The following GRIP1 variants were observed in gnomAD, a reference collection of about 807,000 sequenced individuals.
GRIP1 encodes the protein glutamate receptor-interacting protein 1.
GRIP1 carries 45 observed loss-of-function variants against 129.9 expected under a neutral mutation model. The observed-to-expected ratio is 0.35, with a 90% CI of 0.27 to 0.44. The LOEUF is 0.44. Ranked by LOEUF, GRIP1 falls within the 20% of genes least tolerant of loss-of-function variation. The pLI is 1.00. For missense variants in GRIP1, 1,196 were observed against 1,396.8 expected (o/e 0.86, Z 2.29); for synonymous variants, 530 against 520.8 (o/e 1.02, Z -0.24).
chr12:66,434,268 T>C (rs1219464743), intron 13 of GRIP1, among the ~76,000 whole-genome samples: 3 of 152,102 alleles, frequency 2.0e-5, no homozygotes, highest in Admixed American at 6.6e-5. Flanking sequence ...GGGTCTTCCT[T>C]CTCTGGGCTC....
rs142562459 is a variant in GRIP1, at chr12:66,515,436, A to G, written c.724+183T>C. Among the ~76,000 whole-genome samples the G allele has an allele frequency of 3.9e-3, 592 of 152,300 alleles. 1 individual carries two copies. Among genetic ancestry groups the G allele is most frequent in the Non-Finnish European group, 6.2e-3 (422 of 68,006 alleles). Reference sequence around the variant, plus strand: ...GAACCTATTGACATGAGAACTCTACATCACTGTAAAGTACAGCCACTCACA... The same window carrying G: ...GAACCTATTGACATGAGAACTCTACGTCACTGTAAAGTACAGCCACTCACA... On this transcript the variant is annotated intron_variant, in intron 7 of 24. Coordinates refer to ENST00000359742, the MANE Select transcript of GRIP1 (RefSeq NM_001366722.1).
chr12:66,902,370 T>C (rs1209382319), intron 1 of GRIP1, among the ~76,000 whole-genome samples: 1 of 152,242 alleles, frequency 6.6e-6, no homozygotes, highest in East Asian at 1.9e-4. Flanking sequence ...CTTTACAATG[T>C]GACATTAGTC....
At chr12:66,705,349 G>T (rs530143164) in intron 1 of GRIP1, among the ~76,000 whole-genome samples, 2 of 152,054 alleles carry the variant, frequency 1.3e-5, no homozygotes, top group East Asian at 3.9e-4. Flanking sequence ...ATCTAACAAG[G>T]GATATGAGGA....
intron 23 of GRIP1, among the ~76,000 whole-genome samples, chr12:66,357,450 T>C (rs1362076309): frequency 6.6e-6 from 1 of 152,196 alleles, no homozygotes; most frequent in Non-Finnish European, 1.5e-5. Flanking sequence ...AGTTCATAGG[T>C]GGCACAGTGC....
At position 67,041,357 on chromosome 12, in the gene GRIP1, CAT is replaced by C. The variant is rs780552155; in HGVS notation, c.58+27691_58+27692del. Among the ~76,000 whole-genome samples, 14 of 151,674 alleles carry C rather than the reference CAT, an allele frequency of 9.2e-5. No individual in the cohort carries two copies. In the East Asian group the frequency reaches 1.7e-3, roughly 19 times the overall value. On this transcript the variant is annotated intron_variant, in intron 1 of 1. Coordinates refer to the GRIP1 transcript ENST00000643019. Reference sequence around the variant, plus strand: ...GTGTGTATAGACACACATGTATAGACATATATTTATGTGCGTGTGTATATACA... The same window carrying C: ...GTGTGTATAGACACACATGTATAGACATATTTATGTGCGTGTGTATATACA...
rs141625011 is a variant in GRIP1 at position 66,361,570 on chromosome 12, C to A, written c.3013-8007G>T. On this transcript the variant is annotated intron_variant, in intron 23 of 24. Transcript: ENST00000359742. ...TCTCCAAATTCTCCAAGAGATCAAA[C>A]CAAGCTGCAAGCAAGCAGCTAGTCC... 2.4e-3 allele frequency among the ~76,000 whole-genome samples: 371 copies of A among 152,314 alleles called. 3 individuals are homozygous for A. The highest frequency in any genetic ancestry group is 7.6e-3 in the African/African-American group (314 of 41,570).
At chr12:66,803,711 T>C (rs1232117532) in intron 1 of GRIP1, among the ~76,000 whole-genome samples, 1 of 152,150 alleles carries the variant, frequency 6.6e-6, no homozygotes, top group Non-Finnish European at 1.5e-5. Context: ...CCTTCCCTAT[T>C]CTGAAAGAAA....
intron 7 of GRIP1, among the ~76,000 whole-genome samples, chr12:66,491,339 A>G (rs1482978467): frequency 6.6e-6 from 1 of 152,238 alleles, no homozygotes; most frequent in Non-Finnish European, 1.5e-5. Context: ...GGAAGCCATT[A>G]TCCTCAGCAC....
upstream of GRIP1, among the ~76,000 whole-genome samples, chr12:66,683,632 A>G (rs779581884): frequency 6.6e-6 from 1 of 152,168 alleles, no homozygotes; most frequent in Non-Finnish European, 1.5e-5. Context: ...GTTGTGATAT[A>G]AAAGGGTGGG....
intron 1 of GRIP1, among the ~76,000 whole-genome samples, chr12:66,600,809 T>C (rs1194210375): frequency 6.6e-6 from 1 of 152,218 alleles, no homozygotes; most frequent in Non-Finnish European, 1.5e-5. Flanking sequence ...GGATTCTCAC[T>C]AAAAGTCACT....
intron 1 of GRIP1, among the ~76,000 whole-genome samples, chr12:67,008,140 C>T (rs1394293418): frequency 6.6e-6 from 1 of 152,144 alleles, no homozygotes; most frequent in Non-Finnish European, 1.5e-5. Flanking sequence ...ACCATCAAAT[C>T]CCACTCTATT....
rs370595873 is a variant in GRIP1, at chr12:66,678,893, G to C, written c.12C>G (p.Val4=). Residue 4 remains valine (V), a synonymous_variant, in exon 1 of 25, where the codon GTC becomes GTG. Transcript: ENST00000359742. ...GAATTTGACAACGGCATTTAAAAGA[G>C]ACAGCTATCATTCTTGCTCACTGCT... The part of the protein sequence containing the change: MIA[V]SFKCRCQILR... The C allele has an allele frequency of 1.6e-5, 26 of 1,613,368 alleles. No homozygotes were observed. The highest frequency in any genetic ancestry group is 1.6e-4 in the Middle Eastern group (1 of 6,080).
chr12:66,865,613 AT>A (rs2040191353), intron 1 of GRIP1, among the ~76,000 whole-genome samples: 1 of 151,650 alleles, frequency 6.6e-6, no homozygotes, highest in Non-Finnish European at 1.5e-5. Context: ...CCATCCAACC[AT>A]CCATCCATCC....
chr12:66,475,562 C>G (rs1205147927), intron 7 of GRIP1, among the ~76,000 whole-genome samples: 4 of 152,042 alleles, frequency 2.6e-5, no homozygotes, highest in African/African-American at 4.8e-5. Flanking sequence ...TTCCAAAATT[C>G]ACCACATAGT....
intron 1 of GRIP1, among the ~76,000 whole-genome samples, chr12:66,792,315 C>T (rs565734522): frequency 2.6e-4 from 39 of 152,162 alleles, no homozygotes; most frequent in African/African-American, 9.2e-4. Flanking sequence ...ACAGCCTTGA[C>T]CTCCTGGGCT....
intron 7 of GRIP1, among the ~76,000 whole-genome samples, chr12:66,469,103 G>A (rs1414001417): frequency 6.6e-6 from 1 of 152,220 alleles, no homozygotes; most frequent in Non-Finnish European, 1.5e-5. Flanking sequence ...GCAGTGTGGT[G>A]CTACACAAGG....
chr12:66,377,327 C>T (rs2137351542), intron 20 of GRIP1, 42 bp from the exon 21 acceptor site: 3 of 1,160,824 alleles, frequency 2.6e-6, no homozygotes, highest in African/African-American at 1.7e-5. Context: ...ACTTGCCAGA[C>T]ATTTTTTTTT....
At chr12:66,481,631 A>G (rs1210863408) in intron 7 of GRIP1, among the ~76,000 whole-genome samples, 2 of 152,204 alleles carry the variant, frequency 1.3e-5, no homozygotes, top group Admixed American at 6.5e-5. Context: ...TCATTCTACT[A>G]TAGAGACATA....
At chr12:66,525,280 A>G (rs2061185790) in intron 5 of GRIP1, among the ~76,000 whole-genome samples, 1 of 152,210 alleles carries the variant, frequency 6.6e-6, no homozygotes, top group Non-Finnish European at 1.5e-5. Context: ...AAAAATCCTC[A>G]ATAAAATACT....
Sources: gnomAD v4.1 joint callset for allele counts (sites outside exome capture counted in the v4.1 genomes callset) on GRCh38, gnomAD v4.1.1 for gene constraint, MANE v1.5 for transcripts, NCBI Gene and HGNC (gene_info 2026-07-23, HGNC 2026-07-21) for gene names.